The following TPRG1 variants were observed in gnomAD, a reference collection of about 807,000 sequenced individuals.
TPRG1 encodes tumor protein p63 regulated 1, also known as tumor protein p63-regulated gene 1 protein.
TPRG1 carries 29 observed loss-of-function variants against 29.3 expected under a neutral mutation model. The observed-to-expected ratio is 0.99, with a 90% CI of 0.74 to 1.35. The LOEUF is 1.35. Among genes scored for constraint, TPRG1 ranks in the 40% most tolerant of loss-of-function variants. The probability of loss-of-function intolerance (pLI) is 0.00; values close to 1 mark genes in which losing one functional copy is unlikely to be tolerated. For missense variants in TPRG1, 327 were observed against 335.0 expected, an observed-to-expected ratio of 0.98 and a Z score of 0.19; for synonymous variants, 130 against 116.8, an observed-to-expected ratio of 1.11 and a Z score of -0.73.
chr3:189,057,987 G>A (rs1313857556), intron 4 of TPRG1, among the ~76,000 whole-genome samples: 2 of 151,542 alleles, frequency 1.3e-5, no homozygotes, highest in Admixed American at 6.6e-5. Flanking sequence ...TGTAGGTTGT[G>A]TATATATTAT....
intron 3 of TPRG1, among the ~76,000 whole-genome samples, chr3:189,217,092 CTTGA>C (rs1192980908): frequency 1.1e-4 from 16 of 151,946 alleles, no homozygotes; most frequent in African/African-American, 3.4e-4. Flanking sequence ...TTTTTGTTTG[CTTGA>C]TTATTTTTAT....
chr3:189,241,763 A>T (rs1220018325), intron 4 of TPRG1, among the ~76,000 whole-genome samples: 2 of 152,068 alleles, frequency 1.3e-5, no homozygotes, highest in African/African-American at 4.8e-5. Flanking sequence ...ATGAGATTTG[A>T]TGAGTTTATT....
intron 4 of TPRG1, among the ~76,000 whole-genome samples, chr3:189,039,855 CT>C (rs1714521195): frequency 6.9e-6 from 1 of 145,402 alleles, no homozygotes; most frequent in Non-Finnish European, 1.5e-5. Flanking sequence ...TTTTTTTTGA[CT>C]TTTCAAAGAG....
chr3:189,137,152 C>T (rs1019483550), intron 3 of TPRG1, among the ~76,000 whole-genome samples: 1 of 152,132 alleles, frequency 6.6e-6, no homozygotes, highest in Non-Finnish European at 1.5e-5. Flanking sequence ...GCCTGCTTTG[C>T]AATCATTGGG....
intron 1 of TPRG1, among the ~76,000 whole-genome samples, chr3:189,125,974 A>G (rs1294553915): frequency 6.6e-6 from 1 of 152,040 alleles, no homozygotes; most frequent in African/African-American, 2.4e-5. Context: ...ATTGTCTCAT[A>G]TCAGATTAAC....
Position 189,057,749 on chromosome 3 carries a change from C to CATATATATATAT in TPRG1, c.-463+33807_-463+33818dup, listed in dbSNP as rs370520919. ...TCATATTTCTATTAGTATATATATACATATATATATATATACACACACATA... is the reference window on the plus strand; with the variant it reads ...TCATATTTCTATTAGTATATATATACATATATATATATATATATATATATATACACACACATA... On this transcript the variant is annotated intron_variant, in intron 4 of 10. Coordinates refer to the TPRG1 transcript ENST00000433971. Among the ~76,000 whole-genome samples the CATATATATATAT allele has an allele frequency of 2.5e-3, 349 of 141,850 alleles. 1 individual carries two copies. Among genetic ancestry groups the CATATATATATAT allele is most frequent in the South Asian group, 7.8e-3 (35 of 4,480 alleles). 93.1% of individuals were successfully genotyped at this position (141,850 alleles called of 152,430 possible).
chr3:189,221,335 G>A (rs896864766), intron 3 of TPRG1, among the ~76,000 whole-genome samples: 5 of 152,122 alleles, frequency 3.3e-5, no homozygotes, highest in East Asian at 3.9e-4. Flanking sequence ...CTAAAGTTGC[G>A]GAAATAAGGC....
intron 4 of TPRG1, among the ~76,000 whole-genome samples, chr3:189,088,515 C>T (rs1718113711): frequency 6.6e-6 from 1 of 152,202 alleles, no homozygotes; most frequent in South Asian, 2.1e-4. Flanking sequence ...CCTGATTGCT[C>T]TGGTCAGAAC....
At chr3:189,124,699 T>C (rs1722249481) in intron 1 of TPRG1, among the ~76,000 whole-genome samples, 1 of 152,186 alleles carries the variant, frequency 6.6e-6, no homozygotes, top group African/African-American at 2.4e-5. Context: ...TTATCTTACA[T>C]GAACATTTGT....
At chr3:189,171,738 G>A (rs1253526162), upstream of TPRG1, among the ~76,000 whole-genome samples, 2 of 152,184 alleles carry the variant, frequency 1.3e-5, no homozygotes, top group Non-Finnish European at 2.9e-5. Flanking sequence ...AGCCATGGAG[G>A]AATGGATGAT....
intron 1 of TPRG1, among the ~76,000 whole-genome samples, chr3:189,203,856 A>G (rs1188737617): frequency 6.6e-6 from 1 of 152,092 alleles, no homozygotes; most frequent in Non-Finnish European, 1.5e-5. Flanking sequence ...CCTGGCCAAC[A>G]TGGTGAAACT....
At chr3:189,047,352 C>G (rs1341148718) in intron 4 of TPRG1, among the ~76,000 whole-genome samples, 1 of 152,006 alleles carries the variant, frequency 6.6e-6, no homozygotes, top group African/African-American at 2.4e-5. Context: ...ATCAAAAACC[C>G]CAAGGTACAT....
At chr3:189,192,147 T>C (rs549367052) in intron 1 of TPRG1, among the ~76,000 whole-genome samples, 58 of 152,302 alleles carry the variant, frequency 3.8e-4, no homozygotes, top group Middle Eastern at 3.4e-3. Context: ...AAAAATTGCA[T>C]TTCTAAATTG....
intron 1 of TPRG1, among the ~76,000 whole-genome samples, chr3:189,117,946 A>C (rs183136720): frequency 6.6e-6 from 1 of 152,318 alleles, no homozygotes; most frequent in East Asian, 1.9e-4. Context: ...AAGATACCCG[A>C]AAACGTGGAA....
intron 4 of TPRG1, among the ~76,000 whole-genome samples, chr3:189,067,672 T>C (rs1452402657): frequency 6.6e-6 from 1 of 151,980 alleles, no homozygotes; most frequent in East Asian, 1.9e-4. Context: ...AAAAATCAAA[T>C]CAAAATGGAT....
At chr3:189,183,027 C>T (rs1478177601) in intron 1 of TPRG1, among the ~76,000 whole-genome samples, 1 of 152,182 alleles carries the variant, frequency 6.6e-6, no homozygotes, top group East Asian at 1.9e-4. Flanking sequence ...GCAACTACTA[C>T]TACTAGTGGA....
At chr3:189,110,513 T>C (rs1720380427) in intron 1 of TPRG1, among the ~76,000 whole-genome samples, 1 of 152,164 alleles carries the variant, frequency 6.6e-6, no homozygotes, top group Non-Finnish European at 1.5e-5. Context: ...CCTACTGGTA[T>C]CTTTTGAAGA....
chr3:189,105,734 C>T (rs766483189), intron 1 of TPRG1, among the ~76,000 whole-genome samples: 2 of 152,048 alleles, frequency 1.3e-5, no homozygotes, highest in Non-Finnish European at 2.9e-5. Flanking sequence ...TTCTTTGAAG[C>T]CTACGGAATA....
intron 1 of TPRG1, among the ~76,000 whole-genome samples, chr3:189,111,844 T>G (rs943097623): frequency 2.0e-5 from 3 of 152,160 alleles, no homozygotes; most frequent in African/African-American, 7.2e-5. Context: ...TTCAGTATAT[T>G]GTTGAATAGA....
Sources: gnomAD v4.1 joint callset for allele counts (sites outside exome capture counted in the v4.1 genomes callset) on GRCh38, gnomAD v4.1.1 for gene constraint, MANE v1.5 for transcripts, NCBI Gene and HGNC (gene_info 2026-07-23, HGNC 2026-07-21) for gene names.